Variants in CDH1 observed in about 807,000 individuals in gnomAD.
CDH1 encodes cadherin-1.
CDH1 carries 35 observed loss-of-function variants against 84.5 expected under a neutral mutation model. The observed-to-expected ratio is 0.41, with a 90% confidence interval of 0.32 to 0.55. The LOEUF (loss-of-function observed/expected upper bound fraction) is 0.55, where lower values mean the gene tolerates loss of function less well. Among genes scored for constraint, CDH1 ranks in the 20% least tolerant of loss-of-function variants. The pLI, the probability that CDH1 is intolerant of heterozygous loss-of-function variation, is 0.19. For missense variants in CDH1, 994 were observed against 1,126.6 expected, an observed-to-expected ratio of 0.88 and a Z score of 1.68; for synonymous variants, 417 against 439.0, an observed-to-expected ratio of 0.95 and a Z score of 0.63.
At chr16:68,828,432 A>C in intron 14 of CDH1, 128 bp downstream of exon 14, 1 of 866,008 alleles carries the variant, frequency 1.2e-6, no homozygotes, top group South Asian at 1.4e-5. Flanking sequence ...GGCCTTACCC[A>C]AGAAAGTAGA....
At chr16:68,761,796 C>G (rs1959228741) in intron 2 of CDH1, among the ~76,000 whole-genome samples, 1 of 152,060 alleles carries the variant, frequency 6.6e-6, no homozygotes, top group Admixed American at 6.5e-5. Context: ...ATGGAGGGAA[C>G]AGCAAAGACA....
At position 68,815,986 on chromosome 16, in the gene CDH1, T is replaced by C. The variant is rs534408288; in HGVS notation, c.1565+227T>C. 3.9e-4 allele frequency among the ~76,000 whole-genome samples: 59 copies of C among 152,318 alleles called. 1 individual carries two copies. The highest frequency in any genetic ancestry group is 1.3e-3 in the African/African-American group (54 of 41,568). On this transcript the variant is annotated intron_variant, in intron 10 of 15. Coordinates refer to ENST00000261769, the MANE Select transcript of CDH1 (RefSeq NM_004360.5). Reference sequence around the variant, plus strand: ...GCTGCCTCTCTTTGAGCTCTTGTAGTATGGTAGAAATGCAATTTTACTTTG... The same window carrying C: ...GCTGCCTCTCTTTGAGCTCTTGTAGCATGGTAGAAATGCAATTTTACTTTG...
chr16:68,752,134 T>G (rs775724051), intron 2 of CDH1, among the ~76,000 whole-genome samples: 1 of 151,918 alleles, frequency 6.6e-6, no homozygotes, highest in African/African-American at 2.4e-5. Context: ...GTATCTTTAG[T>G]AGAGACTGGG....
chr16:68,827,404 T>C (rs1157356412), intron 13 of CDH1, among the ~76,000 whole-genome samples: 1 of 152,174 alleles, frequency 6.6e-6, no homozygotes. Context: ...TATATGTATT[T>C]TCTAAGTTAA....
chr16:68,816,831 A>AGTTTGGAGCATGTAG (rs1961000652), intron 10 of CDH1, among the ~76,000 whole-genome samples: 1 of 152,222 alleles, frequency 6.6e-6, no homozygotes, highest in African/African-American at 2.4e-5. Flanking sequence ...TACATGCTCC[A>AGTTTGGAGCATGTAG]AACTGTAAGG....
intron 2 of CDH1, among the ~76,000 whole-genome samples, chr16:68,790,090 G>A (rs1960168248): frequency 6.6e-6 from 1 of 152,116 alleles, no homozygotes. Context: ...ACCCAGGAAA[G>A]TCTCTGTGCA....
intron 6 of CDH1, 115 bp from the exon 7 acceptor site, chr16:68,811,569 C>A: frequency 1.1e-6 from 1 of 893,096 alleles, no homozygotes; most frequent in Non-Finnish European, 1.8e-6. Flanking sequence ...AACTCTGACA[C>A]GGTACCACCC....
intron 2 of CDH1, among the ~76,000 whole-genome samples, chr16:68,741,543 G>C (rs1266883777): frequency 6.6e-6 from 1 of 151,038 alleles, no homozygotes; most frequent in Non-Finnish European, 1.5e-5. Context: ...ACTTTGGAGT[G>C]TTTGCTAGGG....
At chr16:68,809,812 A>G (rs1960768495) in intron 5 of CDH1, among the ~76,000 whole-genome samples, 1 of 152,144 alleles carries the variant, frequency 6.6e-6, no homozygotes, top group East Asian at 1.9e-4. Flanking sequence ...ATGAACCACT[A>G]TGCCTGGCCA....
At chr16:68,761,684 C>T (rs1796563588) in intron 2 of CDH1, among the ~76,000 whole-genome samples, 1 of 152,116 alleles carries the variant, frequency 6.6e-6, no homozygotes, top group Non-Finnish European at 1.5e-5. Flanking sequence ...GAGAAGGCCT[C>T]ACTGAAGGGG....
chr16:68,790,363 G>T (rs910739779), intron 2 of CDH1, among the ~76,000 whole-genome samples: 5 of 152,160 alleles, frequency 3.3e-5, no homozygotes, highest in African/African-American at 1.2e-4. Context: ...AAAATGTGAT[G>T]ATTTTCTTTT....
At chr16:68,808,599 G>C (rs2152129903) in intron 4 of CDH1, 32 bp downstream of exon 4, 1 of 1,613,970 alleles carries the variant, frequency 6.2e-7, no homozygotes, top group Middle Eastern at 1.6e-4. Context: ...TTCTCTGGGA[G>C]GGATTTGGCA....
intron 2 of CDH1, among the ~76,000 whole-genome samples, chr16:68,764,781 C>A (rs1959320339): frequency 6.6e-6 from 1 of 152,276 alleles, no homozygotes; most frequent in East Asian, 1.9e-4. Context: ...GGCCAGGGAG[C>A]CCCTTCCTTC....
intron 7 of CDH1, 114 bp from the exon 8 acceptor site, chr16:68,812,021 G>A: frequency 2.6e-6 from 4 of 1,542,426 alleles, no homozygotes; most frequent in South Asian, 2.3e-5. Context: ...TAGAAGACAG[G>A]CAGGCTGGCA....
At chr16:68,740,122 T>A (rs1461919071) in intron 2 of CDH1, among the ~76,000 whole-genome samples, 1 of 50,344 alleles carries the variant, frequency 2.0e-5, no homozygotes, top group Non-Finnish European at 6.9e-5. Context: ...CAAACCACTT[T>A]CTCCTCTCTC....
chr16:68,794,772 C>T (rs1960313294), intron 2 of CDH1, among the ~76,000 whole-genome samples: 1 of 150,896 alleles, frequency 6.6e-6, no homozygotes, highest in Non-Finnish European at 1.5e-5. Flanking sequence ...CTGCAAGCTC[C>T]GACTCCCAGG....
Position 68,819,348 on chromosome 16 carries a change from G to A in CDH1, c.1634G>A (p.Arg545Gln), listed in dbSNP as rs587780115. Residue 545 changes from arginine (R) to glutamine (Q), a missense_variant, in exon 11 of 16, where the codon CGG (arginine) becomes CAG (glutamine). Arg to Gln is a conservative substitution (Grantham distance 43, BLOSUM62 1). Transcript: ENST00000261769. ...INPDTGAISTRAELDREDFEH... is the reference protein window; with the variant it reads ...INPDTGAISTQAELDREDFEH... ...CCGGACACTGGTGCCATTTCCACTC[G>A]GGCTGAGCTGGACAGGGAGGATTTT... 2 of 1,614,036 alleles carry A rather than the reference G, an allele frequency of 1.2e-6. No individual in the cohort carries two copies. Among genetic ancestry groups the A allele is most frequent in the South Asian group, 1.1e-5 (1 of 91,078 alleles).
Position 68,781,224 on chromosome 16 carries a change from T to G in CDH1, c.164-20446T>G, listed in dbSNP as rs117963527. 6.7e-4 allele frequency among the ~76,000 whole-genome samples: 102 copies of G among 152,342 alleles called. 1 individual carries two copies. In the East Asian group the frequency reaches 0.018, roughly 27 times the overall value. ...TATCTGCAGGTCAGAGGGTTTGAGTTGAGGGTGGGGGTATTGGAAACAATT... is the reference window on the plus strand; with the variant it reads ...TATCTGCAGGTCAGAGGGTTTGAGTGGAGGGTGGGGGTATTGGAAACAATT... On this transcript the variant is annotated intron_variant, in intron 2 of 15. Transcript: ENST00000261769.
At chr16:68,783,966 G>A (rs1959963879) in intron 2 of CDH1, among the ~76,000 whole-genome samples, 1 of 152,070 alleles carries the variant, frequency 6.6e-6, no homozygotes, top group South Asian at 2.1e-4. Context: ...ATGAGCCACC[G>A]TGCCCAGCCC....
Sources: gnomAD v4.1 joint callset for allele counts (sites outside exome capture counted in the v4.1 genomes callset) on GRCh38, gnomAD v4.1.1 for gene constraint, MANE v1.5 for transcripts, NCBI Gene and HGNC (gene_info 2026-07-23, HGNC 2026-07-21) for gene names.